Variants in DPP8 observed in about 807,000 individuals in gnomAD.
The protein encoded by DPP8 is dipeptidyl peptidase 8.
In DPP8, 31 loss-of-function variants were observed where a neutral mutation model predicts 107.5. The observed-to-expected ratio is 0.29, with a 90% CI of 0.22 to 0.39. DPP8 has a LOEUF of 0.39. DPP8 is among the 10% of genes least tolerant of loss of function. The probability of loss-of-function intolerance (pLI) is 1.00; values close to 1 mark genes in which losing one functional copy is unlikely to be tolerated. For synonymous variants in DPP8, 381 were observed against 356.6 expected (o/e 1.07, Z -0.77); for missense variants, 842 against 1,076.1 (o/e 0.78, Z 3.04).
rs148126525 is a variant in DPP8, at chr15:65,449,591, G to A, written c.2526+1408C>T. On this transcript the variant is annotated intron_variant, in intron 19 of 19. Coordinates refer to ENST00000300141, the MANE Select transcript of DPP8 (RefSeq NM_130434.5). ...CACCTAGCTAATTTTTGTATTTTTC[G>A]TAGAGATGGGGTTTTACCATGTTTG... Among the ~76,000 whole-genome samples, 1,155 of 151,938 alleles carry A rather than the reference G, an allele frequency of 7.6e-3. 14 individuals carry two copies. The highest frequency in any genetic ancestry group is 0.027 in the African/African-American group (1,100 of 41,454).
chr15:65,480,143 T>C (rs943904305), intron 10 of DPP8, 79 bp downstream of exon 10: 53 of 1,303,674 alleles, frequency 4.1e-5, no homozygotes, highest in Middle Eastern at 1.9e-4. Flanking sequence ...AAAAATGCAT[T>C]TTGATAGTTT....
chr15:65,497,728 T>C (rs971448637), intron 5 of DPP8, 136 bp downstream of exon 5: 8 of 590,608 alleles, frequency 1.4e-5, no homozygotes, highest in South Asian at 1.0e-4. Context: ...TTTTCTCCAT[T>C]TTTTAAAAAT....
chr15:65,470,027 T>C (rs2065720691), intron 12 of DPP8, among the ~76,000 whole-genome samples: 1 of 150,642 alleles, frequency 6.6e-6, no homozygotes, highest in African/African-American at 2.4e-5. Context: ...CAAAACCCCA[T>C]CTCTGTTAAA....
chr15:65,473,816 G>A (rs2066132517), intron 12 of DPP8, among the ~76,000 whole-genome samples: 1 of 152,072 alleles, frequency 6.6e-6, no homozygotes, highest in South Asian at 2.1e-4. Flanking sequence ...TAAAAATACT[G>A]GGGTCGGCTG....
At position 65,508,148 on chromosome 15, in the gene DPP8, G is replaced by A. The variant is rs1018945319; in HGVS notation, c.260-793C>T. Reference sequence around the variant, plus strand: ...CCAGCTATTTGGGTGGCTGAGGCAGGAGAATTGCTTGAACCCAGGAGACGG... The same window carrying A: ...CCAGCTATTTGGGTGGCTGAGGCAGAAGAATTGCTTGAACCCAGGAGACGG... On this transcript the variant is annotated intron_variant, in intron 2 of 19. Transcript: ENST00000300141. Among the ~76,000 whole-genome samples the A allele has an allele frequency of 3.9e-5, 6 of 152,154 alleles. No individual in the cohort carries two copies. In the East Asian group the frequency reaches 1.2e-3, roughly 29 times the overall value.
At chr15:65,485,270 G>A (rs754314618) in intron 7 of DPP8, 110 bp from the exon 8 acceptor site, 17 of 807,654 alleles carry the variant, frequency 2.1e-5, no homozygotes, top group Non-Finnish European at 3.3e-5. Flanking sequence ...TAGGTCGGGT[G>A]CAGTGGCTCA....
Position 65,481,620 on chromosome 15 carries a change from TA to T in DPP8, c.1018-6del. Reference sequence around the variant, plus strand: ...CTTATCTATGACATCTATGATCTATTAAAAAAGAAAAAAAAAGAATCTAGTT... The same window carrying T: ...CTTATCTATGACATCTATGATCTATTAAAAAGAAAAAAAAAGAATCTAGTT... On this transcript the variant is annotated splice_polypyrimidine_tract_variant and splice_region_variant and intron_variant, in intron 8 of 19. Coordinates refer to ENST00000300141, the MANE Select transcript of DPP8 (RefSeq NM_130434.5). 7.3e-7 allele frequency: 1 copy of T among 1,374,188 alleles called. No individual in the cohort carries two copies. Among genetic ancestry groups the T allele is most frequent in the Non-Finnish European group, 9.9e-7 (1 of 1,007,336 alleles). The allele number at this position is 1,374,188 out of a possible 1,614,324, so 85.1% of individuals were successfully genotyped here. A position where few individuals can be genotyped will look rare whatever the true frequency, so the allele number is the denominator to read the frequency against.
chr15:65,450,029 G>A (rs191483060), intron 19 of DPP8, among the ~76,000 whole-genome samples: 132 of 151,686 alleles, frequency 8.7e-4, no homozygotes, highest in Non-Finnish European at 6.0e-4. Flanking sequence ...GTGCAATAGC[G>A]CGATCTCAGC....
At chr15:65,449,267 T>C (rs1470695729) in intron 19 of DPP8, among the ~76,000 whole-genome samples, 1 of 146,280 alleles carries the variant, frequency 6.8e-6, no homozygotes, top group Non-Finnish European at 1.5e-5. Flanking sequence ...AATATATATA[T>C]AATAAAAAGT....
chr15:65,502,507 G>A (rs1046140744), intron 3 of DPP8, among the ~76,000 whole-genome samples: 5 of 151,782 alleles, frequency 3.3e-5, no homozygotes, highest in Non-Finnish European at 7.4e-5. Flanking sequence ...GTGAAACCTC[G>A]CCTCTACTAA....
intron 17 of DPP8, among the ~76,000 whole-genome samples, chr15:65,453,120 C>T (rs1445414818): frequency 6.6e-6 from 1 of 151,820 alleles, no homozygotes; most frequent in Non-Finnish European, 1.5e-5. Flanking sequence ...TATATTTTTC[C>T]AAGAGTTTGT....
intron 7 of DPP8, among the ~76,000 whole-genome samples, chr15:65,485,544 C>CAAAA (rs56940292): frequency 7.8e-4 from 48 of 61,164 alleles, no homozygotes; most frequent in African/African-American, 1.9e-3. Flanking sequence ...GACTCCATCT[C>CAAAA]AAAAAAAAAA....
rs1197816304 is a variant in DPP8, at chr15:65,497,870, G to A, written c.709C>T (p.His237Tyr). ...TREERRLTYV[H>Y]NELANMEEDA... ...CTGAAGAACTACGCCTTACCATTGT[G>A]CACATAAGTGAGTCTCCTTTCTTCT... The change falls in exon 5 of 20, where the codon CAC becomes TAC. Residue 237 changes from histidine (H) to tyrosine (Y), a missense_variant. His to Tyr is a moderately conservative substitution (Grantham distance 83). Coordinates refer to ENST00000300141, the MANE Select transcript of DPP8 (RefSeq NM_130434.5). 1.3e-6 allele frequency: 2 copies of A among 1,539,508 alleles called. No homozygotes were observed. Among genetic ancestry groups the A allele is most frequent in the Non-Finnish European group, 1.8e-6 (2 of 1,134,326 alleles).
At chr15:65,483,515 T>C (rs188883845) in intron 8 of DPP8, among the ~76,000 whole-genome samples, 12 of 152,016 alleles carry the variant, frequency 7.9e-5, no homozygotes, top group African/African-American at 2.7e-4. Flanking sequence ...AAGTGAGACC[T>C]TTCTCTTTTT....
chr15:65,483,607 A>C (rs575423484), intron 8 of DPP8, among the ~76,000 whole-genome samples: 166 of 150,314 alleles, frequency 1.1e-3, no homozygotes, highest in African/African-American at 3.8e-3. Flanking sequence ...AATAAAATAA[A>C]ATAAAATAAA....
At chr15:65,456,838 A>G (rs2064466672) in intron 15 of DPP8, among the ~76,000 whole-genome samples, 1 of 152,092 alleles carries the variant, frequency 6.6e-6, no homozygotes, top group Admixed American at 6.6e-5. Flanking sequence ...CTCTGACCTC[A>G]TCTCATACCA....
chr15:65,455,888 G>T, intron 16 of DPP8: 1 of 1,246,904 alleles, frequency 8.0e-7, no homozygotes. Flanking sequence ...TAACCAGTTG[G>T]ATTCCCTCTT....
chr15:65,480,234 G>A lies in DPP8; in HGVS notation c.1284C>T (p.Asp428=). ...AAAAAATGCATACATTTATCCAGAT[G>A]TCTGTTGTTTCTTCATAGATAATTA... The part of the protein sequence containing the change: ...TPLIIYEETT[D]IWINIHDIFH... The change falls in exon 10 of 20, where the codon GAC becomes GAT. Residue 428 remains aspartate (D), a synonymous_variant. Transcript: ENST00000300141. The A allele has an allele frequency of 6.2e-7, 1 of 1,612,502 alleles. No homozygotes were observed. Among genetic ancestry groups the A allele is most frequent in the Non-Finnish European group, 8.5e-7 (1 of 1,179,356 alleles).
chr15:65,462,284 T>C (rs996195227), intron 15 of DPP8, among the ~76,000 whole-genome samples: 2 of 152,118 alleles, frequency 1.3e-5, no homozygotes, highest in African/African-American at 4.8e-5. Context: ...TTTCATGACT[T>C]GTGTAGATGA....
Sources: gnomAD v4.1 joint callset for allele counts (sites outside exome capture counted in the v4.1 genomes callset) on GRCh38, gnomAD v4.1.1 for gene constraint, MANE v1.5 for transcripts, NCBI Gene and HGNC (gene_info 2026-07-23, HGNC 2026-07-21) for gene names.